Variants in NRXN3 observed in about 807,000 individuals in gnomAD.
The protein encoded by NRXN3 is neurexin III.
Under a neutral mutation model 137.6 loss-of-function variants are expected in NRXN3, and 32 were observed. The observed-to-expected ratio is 0.23, with a 90% confidence interval of 0.18 to 0.31. NRXN3 has a LOEUF of 0.31. Among genes scored for constraint, NRXN3 ranks in the 10% least tolerant of loss-of-function variants. NRXN3 has a pLI of 1.00. For missense variants in NRXN3, 1,574 were observed against 2,062.5 expected, an observed-to-expected ratio of 0.76 and a Z score of 4.59; for synonymous variants, 798 against 784.5, an observed-to-expected ratio of 1.02 and a Z score of -0.29.
intron 15 of NRXN3, among the ~76,000 whole-genome samples, chr14:79,373,367 G>A (rs1458348575): frequency 2.0e-5 from 3 of 152,102 alleles, no homozygotes; most frequent in Admixed American, 6.6e-5. Context: ...TATTTGACTG[G>A]GCTGGTTGGT....
In NRXN3 at chr14:78,496,577, T is replaced by C. The variant is rs145712335; in HGVS notation, c.758-148543T>C. Among the ~76,000 whole-genome samples, 34 of 152,206 alleles carry C rather than the reference T, an allele frequency of 2.2e-4. No homozygotes were observed. In the East Asian group the frequency reaches 4.1e-3, roughly 18 times the overall value. ...AGGAACAAAAAGAGAGGAAAAAATA[T>C]CCTTCCTTTTGTAAAGTTTACATTT... is the stretch of plus-strand genomic sequence containing the variant. On this transcript the variant is annotated intron_variant, in intron 4 of 20. Transcript: ENST00000335750.
chr14:79,078,964 C>T (rs1041298495), intron 15 of NRXN3, among the ~76,000 whole-genome samples: 14 of 152,114 alleles, frequency 9.2e-5, no homozygotes, highest in African/African-American at 3.4e-4. Flanking sequence ...AACTCATTTT[C>T]TGTCACCAGT....
Position 79,792,886 on chromosome 14 carries a change from T to C in NRXN3, c.4015-12226T>C. Reference sequence around the variant, plus strand: ...TTCTGTGTATAAAAAGGTGTTGTAATTTTTTTTTCCAGAAAATTATATGGT... The same window carrying C: ...TTCTGTGTATAAAAAGGTGTTGTAACTTTTTTTTCCAGAAAATTATATGGT... On this transcript the variant is annotated intron_variant, in intron 19 of 20. Coordinates refer to ENST00000335750, the MANE Select transcript of NRXN3 (RefSeq NM_001330195.2). 1.3e-5 allele frequency among the ~76,000 whole-genome samples: 2 copies of C among 150,932 alleles called. 1 individual carries two copies. The highest frequency in any genetic ancestry group is 3.9e-4 in the East Asian group (2 of 5,186).
chr14:79,190,350 C>T (rs887131108), intron 15 of NRXN3, among the ~76,000 whole-genome samples: 1 of 152,072 alleles, frequency 6.6e-6, no homozygotes, highest in Non-Finnish European at 1.5e-5. Context: ...CTTTCCAGGG[C>T]TCACGGCATA....
chr14:78,738,270 TCCTTCC>T (rs1264168962), intron 8 of NRXN3, among the ~76,000 whole-genome samples: 2 of 152,196 alleles, frequency 1.3e-5, no homozygotes, highest in African/African-American at 4.8e-5. Context: ...GCAGGTATCA[TCCTTCC>T]CCTTAAGGAG....
intron 16 of NRXN3, among the ~76,000 whole-genome samples, chr14:79,629,133 A>T (rs1044073778): frequency 1.1e-4 from 16 of 152,198 alleles, no homozygotes; most frequent in Non-Finnish European, 1.0e-4. Flanking sequence ...ATCTTAGATA[A>T]ATGTCCCCAG....
chr14:79,334,377 A>G (rs2092068481), intron 15 of NRXN3, among the ~76,000 whole-genome samples: 1 of 152,232 alleles, frequency 6.6e-6, no homozygotes, highest in South Asian at 2.1e-4. Context: ...AGGCAAAGCA[A>G]CAAGATGTAA....
chr14:79,824,833 A>G (rs1222782725), intron 20 of NRXN3, among the ~76,000 whole-genome samples: 1 of 152,228 alleles, frequency 6.6e-6, no homozygotes, highest in African/African-American at 2.4e-5. Context: ...GTATCATCAT[A>G]TGTAAAATAT....
chr14:78,244,390 A>G (rs1397917455), intron 2 of NRXN3, among the ~76,000 whole-genome samples: 1 of 151,724 alleles, frequency 6.6e-6, no homozygotes, highest in Non-Finnish European at 1.5e-5. Context: ...AGAATGCACC[A>G]CTGCACTCCA....
At chr14:78,528,330 C>T (rs531475922) in intron 4 of NRXN3, among the ~76,000 whole-genome samples, 1 of 152,138 alleles carries the variant, frequency 6.6e-6, no homozygotes, top group Admixed American at 6.5e-5. Flanking sequence ...CAGTGGAATT[C>T]CCATTTTGTG....
chr14:79,342,673 T>C (rs1449794916), intron 15 of NRXN3, among the ~76,000 whole-genome samples: 6 of 152,190 alleles, frequency 3.9e-5, no homozygotes, highest in Non-Finnish European at 5.9e-5. Context: ...ATCCCCTAGA[T>C]TTCTGTAACT....
chr14:79,494,932 G>A (rs1016189111), intron 16 of NRXN3, among the ~76,000 whole-genome samples: 3 of 152,110 alleles, frequency 2.0e-5, no homozygotes, highest in African/African-American at 7.2e-5. Context: ...TCTAATTTGT[G>A]ATAATCTACA....
chr14:78,631,753 G>C (rs1441365868), intron 4 of NRXN3, among the ~76,000 whole-genome samples: 1 of 152,090 alleles, frequency 6.6e-6, no homozygotes, highest in Non-Finnish European at 1.5e-5. Flanking sequence ...CTAGCTGTTT[G>C]GCTTTGGATG....
chr14:79,727,517 C>G (rs1159029404), intron 19 of NRXN3, among the ~76,000 whole-genome samples: 1 of 151,994 alleles, frequency 6.6e-6, no homozygotes, highest in Non-Finnish European at 1.5e-5. Context: ...GCATGCCTGG[C>G]CCAGAATGAA....
intron 6 of NRXN3, among the ~76,000 whole-genome samples, chr14:78,706,962 C>T (rs1212984691): frequency 6.6e-6 from 1 of 152,090 alleles, no homozygotes; most frequent in African/African-American, 2.4e-5. Flanking sequence ...AACTTTGTCT[C>T]ACAGATATGG....
At chr14:78,268,264 CGTTTTGTTTT>C (rs924046737) in intron 2 of NRXN3, among the ~76,000 whole-genome samples, 3 of 151,114 alleles carry the variant, frequency 2.0e-5, no homozygotes, top group Admixed American at 6.6e-5. Flanking sequence ...ACTGGACCAC[CGTTTTGTTTT>C]GTTTTGTTTT....
chr14:78,332,443 G>A (rs1597417681), intron 4 of NRXN3, among the ~76,000 whole-genome samples: 1 of 151,744 alleles, frequency 6.6e-6, no homozygotes, highest in Non-Finnish European at 1.5e-5. Context: ...AGCCTCCTGA[G>A]TAGCTGGGAT....
At chr14:79,778,911 T>C (rs1456168891) in intron 19 of NRXN3, among the ~76,000 whole-genome samples, 1 of 152,176 alleles carries the variant, frequency 6.6e-6, no homozygotes, top group African/African-American at 2.4e-5. Flanking sequence ...TGGAATCTGA[T>C]AGATTTGGGT....
intron 1 of NRXN3, among the ~76,000 whole-genome samples, chr14:78,215,355 G>A (rs2063148075): frequency 6.6e-6 from 1 of 152,104 alleles, no homozygotes; most frequent in South Asian, 2.1e-4. Flanking sequence ...CTTCATCAGT[G>A]GAAGGAAGGG....
Sources: allele counts gnomAD v4.1 joint callset (sites outside exome capture counted in the v4.1 genomes callset), GRCh38; gene constraint gnomAD v4.1.1; transcripts MANE v1.5; gene names NCBI Gene and HGNC (gene_info 2026-07-23, HGNC 2026-07-21).